Variants in PCLO observed in about 807,000 individuals in gnomAD.
PCLO encodes protein piccolo.
Under a neutral mutation model 427.5 loss-of-function variants are expected in PCLO, and 82 were observed. The observed-to-expected ratio is 0.19, with a 90% CI of 0.16 to 0.23. PCLO has a LOEUF of 0.23. PCLO is among the 10% of genes least tolerant of loss of function. The pLI is 1.00. For synonymous variants in PCLO, 2,357 were observed against 2,155.4 expected, an observed-to-expected ratio of 1.09 and a Z score of -2.59; for missense variants, 6,239 against 6,115.9, an observed-to-expected ratio of 1.02 and a Z score of -0.67.
chr7:82,872,057 T>C (rs886073486), intron 10 of PCLO, among the ~76,000 whole-genome samples: 17 of 151,960 alleles, frequency 1.1e-4, no homozygotes, highest in African/African-American at 3.6e-4. Flanking sequence ...CTTCAGGGCA[T>C]GGAGAATTTC....
intron 15 of PCLO, among the ~76,000 whole-genome samples, chr7:82,837,370 T>G (rs1229462343): frequency 1.3e-5 from 2 of 151,966 alleles, no homozygotes; most frequent in Non-Finnish European, 2.9e-5. Flanking sequence ...CTCCACAAAT[T>G]AAAATGAAAA....
At chr7:83,078,597 T>C (rs1790015760) in intron 3 of PCLO, among the ~76,000 whole-genome samples, 1 of 151,976 alleles carries the variant, frequency 6.6e-6, no homozygotes, top group African/African-American at 2.4e-5. Flanking sequence ...AGTGGCGTGA[T>C]CTCAGCTCAC....
intron 3 of PCLO, among the ~76,000 whole-genome samples, chr7:83,089,913 T>A (rs1448206366): frequency 7.2e-5 from 11 of 152,288 alleles, no homozygotes; most frequent in South Asian, 2.1e-4. Flanking sequence ...AGTTCATGAG[T>A]ATCCAGTAGT....
chr7:82,851,733 A>G (rs1298780359), intron 10 of PCLO, among the ~76,000 whole-genome samples: 1 of 152,130 alleles, frequency 6.6e-6, no homozygotes, highest in Non-Finnish European at 1.5e-5. Flanking sequence ...AATTTGAACA[A>G]TCACTCTCAG....
chr7:82,833,928 G>T (rs879426214), intron 16 of PCLO, among the ~76,000 whole-genome samples: 2 of 152,074 alleles, frequency 1.3e-5, no homozygotes, highest in Non-Finnish European at 2.9e-5. Context: ...GCTTCTAAGT[G>T]ACAGGGCTAA....
intron 3 of PCLO, among the ~76,000 whole-genome samples, chr7:83,024,024 A>C (rs997442006): frequency 6.6e-6 from 1 of 152,216 alleles, no homozygotes; most frequent in Admixed American, 6.5e-5. Context: ...TTTATTGCTT[A>C]CTGGCTTTGG....
chr7:82,884,338 A>C (rs1364644615), intron 9 of PCLO, among the ~76,000 whole-genome samples: 2 of 152,188 alleles, frequency 1.3e-5, no homozygotes, highest in African/African-American at 4.8e-5. Context: ...AAAATACACA[A>C]AAATGACACT....
At chr7:83,144,869 G>A (rs192566872) in intron 2 of PCLO, among the ~76,000 whole-genome samples, 29 of 152,220 alleles carry the variant, frequency 1.9e-4, no homozygotes, top group African/African-American at 5.8e-4. Flanking sequence ...TTTAAGTTAC[G>A]TTGCATAAGT....
At chr7:82,917,227 T>C (rs1794489222) in intron 6 of PCLO, among the ~76,000 whole-genome samples, 2 of 152,266 alleles carry the variant, frequency 1.3e-5, no homozygotes, top group African/African-American at 2.4e-5. Flanking sequence ...ACCAAGTTAA[T>C]GCGCCTATCT....
intron 10 of PCLO, among the ~76,000 whole-genome samples, chr7:82,849,430 T>C (rs1351052451): frequency 6.6e-6 from 1 of 152,176 alleles, no homozygotes; most frequent in Admixed American, 6.6e-5. Context: ...GTGCTGTAGT[T>C]CAAAAGAATG....
intron 22 of PCLO, among the ~76,000 whole-genome samples, chr7:82,797,732 A>G (rs1217910403): frequency 1.3e-5 from 2 of 152,136 alleles, no homozygotes; most frequent in African/African-American, 4.8e-5. Flanking sequence ...ATAGTCTGAA[A>G]AAGTATTACT....
chr7:82,878,439 T>A (rs1793426185), intron 10 of PCLO, among the ~76,000 whole-genome samples: 1 of 152,024 alleles, frequency 6.6e-6, no homozygotes, highest in African/African-American at 2.4e-5. Flanking sequence ...ATATTTAGAG[T>A]AAAAATAAAA....
At position 82,981,697 on chromosome 7, in the gene PCLO, T is replaced by C. The variant is rs187959948; in HGVS notation, c.3301-15210A>G. On this transcript the variant is annotated intron_variant, in intron 3 of 24. Coordinates refer to ENST00000333891, the MANE Select transcript of PCLO (RefSeq NM_033026.6). ...ATTGTTTTACTTGTATTTAGGTATG[T>C]GCCTATACTTAAAAAAAGGAGTTAT... Among the ~76,000 whole-genome samples, 110 of 152,248 alleles carry C rather than the reference T, an allele frequency of 7.2e-4. 4 individuals carry two copies. The highest frequency in any genetic ancestry group is 6.2e-3 in the Admixed American group (95 of 15,252).
intron 9 of PCLO, among the ~76,000 whole-genome samples, chr7:82,901,038 C>T (rs2051721798): frequency 6.6e-6 from 1 of 151,718 alleles, no homozygotes; most frequent in African/African-American, 2.4e-5. Context: ...TTTTAATTTC[C>T]TGTATAAGAA....
At chr7:82,802,316 T>C in intron 21 of PCLO, among the ~76,000 whole-genome samples, 1 of 152,064 alleles carries the variant, frequency 6.6e-6, no homozygotes. Context: ...TGAGAAATAA[T>C]AAGCATTCAA....
intron 10 of PCLO, among the ~76,000 whole-genome samples, chr7:82,878,229 G>T (rs554973386): frequency 6.6e-6 from 1 of 152,230 alleles, no homozygotes; most frequent in Admixed American, 6.5e-5. Flanking sequence ...ACATTGTGAT[G>T]AATAAATACT....
chr7:83,018,810 G>A (rs925203493), intron 3 of PCLO, among the ~76,000 whole-genome samples: 8 of 151,966 alleles, frequency 5.3e-5, no homozygotes, highest in Non-Finnish European at 1.0e-4. Flanking sequence ...TAATGGGCAT[G>A]CACTTAGTAA....
At chr7:82,845,888 G>T (rs564779814) in intron 12 of PCLO, among the ~76,000 whole-genome samples, 1 of 151,784 alleles carries the variant, frequency 6.6e-6, no homozygotes, top group Non-Finnish European at 1.5e-5. Context: ...AATTTTAATG[G>T]GTTTATTTAT....
At chr7:82,766,077 A>C (rs976181307) in intron 22 of PCLO, among the ~76,000 whole-genome samples, 1 of 152,152 alleles carries the variant, frequency 6.6e-6, no homozygotes, top group Non-Finnish European at 1.5e-5. Flanking sequence ...TGTCAGGAAA[A>C]GAGAAATGAA....
Sources: gnomAD v4.1 joint callset for allele counts (sites outside exome capture counted in the v4.1 genomes callset) on GRCh38, gnomAD v4.1.1 for gene constraint, MANE v1.5 for transcripts, NCBI Gene and HGNC (gene_info 2026-07-23, HGNC 2026-07-21) for gene names.